Variants in PAK1 observed in about 807,000 individuals in gnomAD.
PAK1 encodes p21 (RAC1) activated kinase 1, also known as serine/threonine-protein kinase PAK 1.
A neutral mutation model predicts 67.4 loss-of-function variants in PAK1; 29 were observed. That is an observed-to-expected ratio of 0.43 (90% CI 0.32 to 0.59). The LOEUF (loss-of-function observed/expected upper bound fraction) is 0.59, where lower values mean the gene tolerates loss of function less well. Ranked by LOEUF, PAK1 falls within the 20% of genes least tolerant of loss-of-function variation. The probability of loss-of-function intolerance (pLI) is 0.07; values close to 1 mark genes in which losing one functional copy is unlikely to be tolerated. For synonymous variants in PAK1, 223 were observed against 237.4 expected (o/e 0.94, Z 0.56); for missense variants, 337 against 670.7 (o/e 0.50, Z 5.50).
intron 5 of PAK1, among the ~76,000 whole-genome samples, chr11:77,373,215 T>G (rs1368109640): frequency 6.6e-6 from 1 of 152,116 alleles, no homozygotes; most frequent in African/African-American, 2.4e-5. Flanking sequence ...TAACCACCTA[T>G]GTACAAGAGA....
intron 1 of PAK1, among the ~76,000 whole-genome samples, chr11:77,398,480 A>G (rs1952146430): frequency 6.6e-6 from 1 of 152,112 alleles, no homozygotes; most frequent in African/African-American, 2.4e-5. Context: ...TCCATTGTAC[A>G]TGTTCCATCC....
chr11:77,417,183 A>G (rs1028846281), intron 1 of PAK1, among the ~76,000 whole-genome samples: 12 of 152,340 alleles, frequency 7.9e-5, no homozygotes, highest in Non-Finnish European at 1.3e-4. Context: ...AAACCTGCTC[A>G]TGAATGTTTA....
intron 1 of PAK1, among the ~76,000 whole-genome samples, chr11:77,413,009 A>C (rs1229331848): frequency 6.6e-6 from 1 of 152,140 alleles, no homozygotes; most frequent in East Asian, 1.9e-4. Context: ...ACAATAAAAC[A>C]CACCTTCACA....
chr11:77,515,893 A>G, the PAK1 span, among the ~76,000 whole-genome samples: 1 of 152,152 alleles, frequency 6.6e-6, no homozygotes, highest in Non-Finnish European at 1.5e-5. Context: ...AAATTCTCCA[A>G]GTTGACTTCA....
chr11:77,501,258 A>G, the PAK1 span, among the ~76,000 whole-genome samples: 3 of 152,258 alleles, frequency 2.0e-5, no homozygotes, highest in African/African-American at 4.8e-5. Context: ...GAAATCCAGG[A>G]GAGTTTCACA....
At chr11:77,368,401 C>T (rs920390066) in intron 5 of PAK1, among the ~76,000 whole-genome samples, 5 of 152,172 alleles carry the variant, frequency 3.3e-5, no homozygotes, top group African/African-American at 9.7e-5. Context: ...GCATAGAGAA[C>T]GCCCCATTTT....
intron 1 of PAK1, among the ~76,000 whole-genome samples, chr11:77,429,713 G>A (rs996448041): frequency 6.6e-6 from 1 of 152,210 alleles, no homozygotes; most frequent in Non-Finnish European, 1.5e-5. Flanking sequence ...ACACTAAAAA[G>A]ATGTAGCTTC....
chr11:77,485,135 G>A, the PAK1 span, among the ~76,000 whole-genome samples: 3 of 152,238 alleles, frequency 2.0e-5, no homozygotes, highest in African/African-American at 7.2e-5. Flanking sequence ...ATGTTACACA[G>A]CAAAACCATA....
At chr11:77,485,464 A>T in the PAK1 span, among the ~76,000 whole-genome samples, 6 of 143,284 alleles carry the variant, frequency 4.2e-5, no homozygotes, top group South Asian at 1.5e-3. Context: ...ACCCACAAAA[A>T]TTTTAAAATA....
At chr11:77,468,452 A>G (rs1957700378) in intron 1 of PAK1, among the ~76,000 whole-genome samples, 1 of 152,232 alleles carries the variant, frequency 6.6e-6, no homozygotes, top group Non-Finnish European at 1.5e-5. Context: ...GAAGATATTC[A>G]TGAAAGAAAA....
At chr11:77,376,396 G>T (rs1358530440) in intron 4 of PAK1, among the ~76,000 whole-genome samples, 1 of 152,168 alleles carries the variant, frequency 6.6e-6, no homozygotes, top group Non-Finnish European at 1.5e-5. Flanking sequence ...CAGTTGAGTT[G>T]TCAATCTAGT....
intron 1 of PAK1, among the ~76,000 whole-genome samples, chr11:77,431,735 A>C (rs1955869884): frequency 6.6e-6 from 1 of 152,218 alleles, no homozygotes; most frequent in East Asian, 1.9e-4. Flanking sequence ...AGCCCCACAA[A>C]AGCCAAGTAA....
chr11:77,323,923 A>G (rs1939008434), intron 14 of PAK1, among the ~76,000 whole-genome samples: 1 of 152,208 alleles, frequency 6.6e-6, no homozygotes, highest in Non-Finnish European at 1.5e-5. Flanking sequence ...AGGTATTAAT[A>G]GATCATGACC....
chr11:77,471,284 T>C (rs954399940), intron 1 of PAK1, among the ~76,000 whole-genome samples: 1 of 152,138 alleles, frequency 6.6e-6, no homozygotes, highest in African/African-American at 2.4e-5. Context: ...TGGTTTTTAT[T>C]AAGAGCAGAT....
chr11:77,394,837 C>T (rs1387189719), intron 1 of PAK1, among the ~76,000 whole-genome samples: 1 of 146,850 alleles, frequency 6.8e-6, no homozygotes, highest in Non-Finnish European at 1.5e-5. Context: ...GAGCAAGACT[C>T]TGTCTCAAAA....
At position 77,336,118 on chromosome 11, in the gene PAK1, C is replaced by A. The variant is rs750033937; in HGVS notation, c.1381G>T (p.Glu461Ter). 1 of 1,611,882 alleles carries A rather than the reference C, an allele frequency of 6.2e-7. No individual in the cohort carries two copies. The highest frequency in any genetic ancestry group is 8.5e-7 in the Non-Finnish European group (1 of 1,178,152). The change falls in exon 13 of 15, where the codon GAG becomes TAG. Residue 461 changes from glutamate (E) to a stop codon, truncating the protein, a stop_gained. Transcript: ENST00000356341. LOFTEE classifies it high-confidence loss of function. ...GGGTTTTCATTGAGGTATGGAGGCTCCCCTTCAATCATTTCGATGGCCATG... is the reference window on the plus strand; with the variant it reads ...GGGTTTTCATTGAGGTATGGAGGCTACCCTTCAATCATTTCGATGGCCATG... ...GIMAIEMIEGEPPYLNENPLR... is the reference protein window; with the variant it reads ...GIMAIEMIEG
At chr11:77,520,625 T>G in the PAK1 span, among the ~76,000 whole-genome samples, 2 of 152,164 alleles carry the variant, frequency 1.3e-5, no homozygotes, top group Non-Finnish European at 2.9e-5. Context: ...GTTTGGAGGA[T>G]GCATCCGAGA....
At chr11:77,458,195 A>G (rs539308291) in intron 1 of PAK1, among the ~76,000 whole-genome samples, 33 of 152,348 alleles carry the variant, frequency 2.2e-4, no homozygotes, top group Non-Finnish European at 4.0e-4. Context: ...CCTTTAATTT[A>G]TCAAGACAAA....
chr11:77,384,908 T>C (rs1020040274), intron 2 of PAK1, among the ~76,000 whole-genome samples: 25 of 152,056 alleles, frequency 1.6e-4, no homozygotes, highest in Admixed American at 1.1e-3. Context: ...TATATCTCAA[T>C]TTTTTAAAAA....
Sources: allele counts gnomAD v4.1 joint callset (sites outside exome capture counted in the v4.1 genomes callset), GRCh38; gene constraint gnomAD v4.1.1; transcripts MANE v1.5; gene names NCBI Gene and HGNC (gene_info 2026-07-23, HGNC 2026-07-21).